SEMA4F: variants seen among roughly 807,000 people sequenced by gnomAD.
The protein encoded by SEMA4F is ssemaphorin 4F, also known as semaphorin-4F.
SEMA4F carries 51 observed loss-of-function variants against 78.4 expected under a neutral mutation model. The observed-to-expected ratio is 0.65, with a 90% CI of 0.52 to 0.82. The LOEUF is 0.82. Among genes scored for constraint, SEMA4F ranks in the 40% least tolerant of loss-of-function variants. The pLI, the probability that SEMA4F is intolerant of heterozygous loss-of-function variation, is 0.00. For synonymous variants in SEMA4F, 418 were observed against 408.7 expected (o/e 1.02, Z -0.27); for missense variants, 938 against 1,014.4 (o/e 0.92, Z 1.02).
the SEMA4F span, among the ~76,000 whole-genome samples, chr2:74,700,239 G>T: frequency 3.3e-5 from 5 of 152,264 alleles, no homozygotes; most frequent in African/African-American, 1.2e-4. Context: ...AAAGAATGTA[G>T]GGGTAGGGTA....
rs1312236970 is a variant in SEMA4F at position 74,657,841 on chromosome 2, TCTGACC to T, written c.358-10_358-5del. On this transcript the variant is annotated splice_region_variant and splice_polypyrimidine_tract_variant and intron_variant, in intron 3 of 13. Coordinates refer to ENST00000357877, the MANE Select transcript of SEMA4F (RefSeq NM_004263.5). ...CTGCTTCTGATTCTTTCTAACCGTC[TCTGACC>T]CCCAGGACGAATGTCACAATTTTGT... The T allele has an allele frequency of 6.2e-7, 1 of 1,612,172 alleles. No homozygotes were observed. Among genetic ancestry groups the T allele is most frequent in the African/African-American group, 1.3e-5 (1 of 75,034 alleles).
intron 12 of SEMA4F, among the ~76,000 whole-genome samples, chr2:74,677,470 A>G (rs965339532): frequency 1.3e-5 from 2 of 152,144 alleles, no homozygotes; most frequent in African/African-American, 4.8e-5. Context: ...CATACCAAAA[A>G]CTTACTTTCT....
the SEMA4F span, among the ~76,000 whole-genome samples, chr2:74,703,947 C>T: frequency 1.7e-3 from 257 of 152,218 alleles, no homozygotes; most frequent in African/African-American, 5.9e-3. Flanking sequence ...AACACAGACA[C>T]GAACCTTGGG....
chr2:74,675,852 T>G lies in SEMA4F; in HGVS notation c.1586T>G (p.Val529Gly). The G allele has an allele frequency of 1.9e-6, 3 of 1,614,230 alleles. No individual in the cohort carries two copies. The highest frequency in any genetic ancestry group is 2.5e-6 in the Non-Finnish European group (3 of 1,180,044). ...CSECILAQDPVCAWSFRLDEC... is the reference protein window; with the variant it reads ...CSECILAQDPGCAWSFRLDEC... ...GAGTGCATCCTGGCCCAGGACCCAG[T>G]CTGTGCCTGGAGCTTCCGGCTGGAT... Residue 529 changes from valine (V) to glycine (G), a missense_variant, in exon 12 of 14, where the codon GTC becomes GGC. Coordinates refer to ENST00000357877, the MANE Select transcript of SEMA4F (RefSeq NM_004263.5).
intron 5 of SEMA4F, among the ~76,000 whole-genome samples, chr2:74,667,436 A>G (rs1306630928): frequency 2.0e-5 from 3 of 152,224 alleles, no homozygotes; most frequent in African/African-American, 7.2e-5. Flanking sequence ...GGCCTGTCCC[A>G]TTGCCAGTCT....
the SEMA4F span, among the ~76,000 whole-genome samples, chr2:74,707,868 C>G: frequency 6.6e-6 from 1 of 152,042 alleles, no homozygotes; most frequent in Non-Finnish European, 1.5e-5. Context: ...GAGAGGTGCA[C>G]AGAGAGAGCC....
At chr2:74,675,432 T>G (rs776650789) in intron 10 of SEMA4F, 48 bp downstream of exon 10, 7 of 1,597,704 alleles carry the variant, frequency 4.4e-6, no homozygotes, top group Non-Finnish European at 5.1e-6. Flanking sequence ...ATACACATTC[T>G]CGTCACAGAG....
At position 74,673,448 on chromosome 2, in the gene SEMA4F, G is replaced by A. The variant is rs200456026; in HGVS notation, c.551-9G>A. 63 of 1,613,816 alleles carry A rather than the reference G, an allele frequency of 3.9e-5. No homozygotes were observed. Among genetic ancestry groups the A allele is most frequent in the African/African-American group, 2.5e-4 (19 of 74,984 alleles). On this transcript the variant is annotated splice_polypyrimidine_tract_variant and intron_variant, in intron 5 of 13. Transcript: ENST00000357877. ...CCTGATAGCCCATCTCCTCCCTGTCGCCCTGCAGGGGGGGTCCTCTATGCT... is the reference window on the plus strand; with the variant it reads ...CCTGATAGCCCATCTCCTCCCTGTCACCCTGCAGGGGGGGTCCTCTATGCT...
rs1300112180 is a variant in SEMA4F, at chr2:74,679,395, A to T, written c.1702+61A>T. ...TGGAGTGGATGGAAAGGGGCTAGAG[A>T]GTTGTTCATTTTGGAACGATTCTAA... On this transcript the variant is annotated intron_variant, in intron 13 of 13. Coordinates refer to ENST00000357877, the MANE Select transcript of SEMA4F (RefSeq NM_004263.5). The T allele has an allele frequency of 3.3e-6, 5 of 1,512,884 alleles. No individual in the cohort carries two copies. The Admixed American group carries it at 8.4e-5, about 25-fold the overall frequency. The allele number at this position is 1,512,884 out of a possible 1,614,324, so 93.7% of individuals were successfully genotyped here. A position where few individuals can be genotyped will look rare whatever the true frequency, so the allele number is the denominator to read the frequency against.
the SEMA4F span, among the ~76,000 whole-genome samples, chr2:74,701,982 T>G: frequency 6.6e-6 from 1 of 152,156 alleles, no homozygotes; most frequent in Non-Finnish European, 1.5e-5. Context: ...GGGACCCCGA[T>G]GAGAAGGGCA....
downstream of SEMA4F, among the ~76,000 whole-genome samples, chr2:74,687,507 A>T (rs1685847307): frequency 6.6e-6 from 1 of 152,254 alleles, no homozygotes; most frequent in Non-Finnish European, 1.5e-5. Flanking sequence ...CCCAGTGCTT[A>T]GAACAGTGAA....
chr2:74,663,746 A>G (rs1684541628), intron 5 of SEMA4F, among the ~76,000 whole-genome samples: 1 of 152,216 alleles, frequency 6.6e-6, no homozygotes, highest in South Asian at 2.1e-4. Context: ...TTCATGAAAC[A>G]TCTGCCTGCA....
At chr2:74,656,787 A>C in intron 2 of SEMA4F, 102 bp downstream of exon 2, 4 of 1,192,984 alleles carry the variant, frequency 3.4e-6, no homozygotes, top group East Asian at 2.8e-5. Context: ...TAAAGATGTA[A>C]CAGCAGGGGT....
In SEMA4F at chr2:74,675,261, C is replaced by G. The variant is rs775358827; in HGVS notation, c.1249C>G (p.Pro417Ala). 1 of 1,614,192 alleles carries G rather than the reference C, an allele frequency of 6.2e-7. No homozygotes were observed. Among genetic ancestry groups the G allele is most frequent in the Non-Finnish European group, 8.5e-7 (1 of 1,180,036 alleles). ...FIRDHPLMDR[P>A]VFPADGHPLL... Reference sequence around the variant, plus strand: ...CCGGGACCACCCACTCATGGACAGGCCAGTGTTTCCAGCTGATGGCCACCC... The same window carrying G: ...CCGGGACCACCCACTCATGGACAGGGCAGTGTTTCCAGCTGATGGCCACCC... The change falls in exon 10 of 14, where the codon CCA becomes GCA. Residue 417 changes from proline (P) to alanine (A), a missense_variant. Pro to Ala is a conservative substitution (Grantham distance 27). Coordinates refer to ENST00000357877, the MANE Select transcript of SEMA4F (RefSeq NM_004263.5).
At chr2:74,662,652 C>T (rs1282114780) in intron 4 of SEMA4F, 80 bp from the exon 5 acceptor site, 2 of 1,170,252 alleles carry the variant, frequency 1.7e-6, no homozygotes, top group Non-Finnish European at 2.6e-6. Flanking sequence ...TGACCTTTTC[C>T]TTCATCTGAC....
the SEMA4F span, among the ~76,000 whole-genome samples, chr2:74,694,890 A>G: frequency 2.6e-5 from 4 of 152,112 alleles, no homozygotes; most frequent in South Asian, 2.1e-4. Context: ...ATAATATTCT[A>G]TTGTCTGGAT....
chr2:74,697,144 G>C, the SEMA4F span, among the ~76,000 whole-genome samples: 1 of 152,234 alleles, frequency 6.6e-6, no homozygotes, highest in Non-Finnish European at 1.5e-5. Context: ...CACAGCTAGA[G>C]TTAGCCCTTG....
At position 74,675,645 on chromosome 2, in the gene SEMA4F, G is replaced by C. The variant is rs919817532; in HGVS notation, c.1482+11G>C. On this transcript the variant is annotated intron_variant, in intron 11 of 13. Coordinates refer to ENST00000357877, the MANE Select transcript of SEMA4F (RefSeq NM_004263.5). ...ATGAAATTGTACCACGTGAGTTGTA[G>C]ATTTTGGAGAGTCTATTGGGGAGAC... 2.5e-6 allele frequency: 4 copies of C among 1,613,584 alleles called. No homozygotes were observed. Among genetic ancestry groups the C allele is most frequent in the Non-Finnish European group, 3.4e-6 (4 of 1,179,582 alleles).
the SEMA4F span, among the ~76,000 whole-genome samples, chr2:74,708,932 G>A: frequency 6.6e-6 from 1 of 152,180 alleles, no homozygotes; most frequent in Non-Finnish European, 1.5e-5. Flanking sequence ...TTGGGGTGCT[G>A]AGGTAAGAGG....
Sources: allele counts gnomAD v4.1 joint callset (sites outside exome capture counted in the v4.1 genomes callset), GRCh38; gene constraint gnomAD v4.1.1; transcripts MANE v1.5; gene names NCBI Gene and HGNC (gene_info 2026-07-23, HGNC 2026-07-21).